CPLX1: variants seen among roughly 807,000 people sequenced by gnomAD.
The protein encoded by CPLX1 is complexin-1.
Under a neutral mutation model 15.6 loss-of-function variants are expected in CPLX1, and 6 were observed. The observed-to-expected ratio is 0.39, with a 90% confidence interval of 0.21 to 0.76. The LOEUF (loss-of-function observed/expected upper bound fraction) is 0.76. CPLX1 is among the 30% of genes least tolerant of loss of function. CPLX1 has a pLI of 0.43. For synonymous variants in CPLX1, 91 were observed against 75.2 expected, an observed-to-expected ratio of 1.21 and a Z score of -1.08; for missense variants, 242 against 188.6, an observed-to-expected ratio of 1.28 and a Z score of -1.66.
chr4:809,431 T>C (rs1215339680), intron 2 of CPLX1, among the ~76,000 whole-genome samples: 1 of 151,420 alleles, frequency 6.6e-6, no homozygotes, highest in African/African-American at 2.4e-5. Context: ...GCCTCTGCCC[T>C]GCCTCGTGCC....
intron 2 of CPLX1, among the ~76,000 whole-genome samples, chr4:818,356 C>T (rs942210099): frequency 4.6e-5 from 7 of 152,248 alleles, no homozygotes; most frequent in Admixed American, 1.3e-4. Context: ...GCCCCAGCCC[C>T]GCCACGGGCC....
At chr4:791,539 G>T (rs1746175794) in intron 3 of CPLX1, among the ~76,000 whole-genome samples, 1 of 152,174 alleles carries the variant, frequency 6.6e-6, no homozygotes, top group Non-Finnish European at 1.5e-5. Flanking sequence ...CCCTGGGTGC[G>T]GCTGACACAA....
intron 2 of CPLX1, among the ~76,000 whole-genome samples, chr4:792,935 G>A (rs1746228805): frequency 6.6e-6 from 1 of 152,172 alleles, no homozygotes; most frequent in Non-Finnish European, 1.5e-5. Context: ...TTATGCGTAC[G>A]TGTGGCTGTT....
intron 3 of CPLX1, among the ~76,000 whole-genome samples, chr4:792,192 G>A (rs1039965653): frequency 6.6e-6 from 1 of 152,234 alleles, no homozygotes; most frequent in Admixed American, 6.5e-5. Flanking sequence ...CGGAATGCGG[G>A]CCTAGGAAGC....
chr4:795,099 C>G (rs754447083), intron 2 of CPLX1, among the ~76,000 whole-genome samples: 8 of 152,368 alleles, frequency 5.3e-5, no homozygotes, highest in Non-Finnish European at 8.8e-5. Flanking sequence ...CGCCGCGAAC[C>G]TGGGGAGCGT....
At chr4:797,174 C>G (rs77947016) in intron 2 of CPLX1, among the ~76,000 whole-genome samples, 4,663 of 152,302 alleles carry the variant, frequency 0.031, 95 homozygotes, top group Non-Finnish European at 0.047. Context: ...CTCTCTGGCC[C>G]GTCACCAGCT....
rs745504763 is a variant in CPLX1, at chr4:786,472, G to T, written c.*29C>A. On this transcript the variant is annotated 3_prime_UTR_variant, in exon 4 of 4. Coordinates refer to ENST00000304062, the MANE Select transcript of CPLX1 (RefSeq NM_006651.4). ...AGGATCTGTAGGGGGAGGGGCGGGG[G>T]CTCCGCGGGGCCGCTGTCCCGCGCG... is the stretch of plus-strand genomic sequence containing the variant. 1 of 1,522,656 alleles carries T rather than the reference G, an allele frequency of 6.6e-7. No individual in the cohort carries two copies. Among genetic ancestry groups the T allele is most frequent in the South Asian group, 1.2e-5 (1 of 80,808 alleles). 94.3% of individuals were successfully genotyped at this position (1,522,656 alleles called of 1,614,324 possible).
chr4:795,893 G>A (rs1014000577), intron 2 of CPLX1, among the ~76,000 whole-genome samples: 1 of 152,156 alleles, frequency 6.6e-6, no homozygotes, highest in African/African-American at 2.4e-5. Flanking sequence ...AGCAGAAGGG[G>A]CAGAAGCAGA....
chr4:811,478 G>A (rs1043585944), intron 2 of CPLX1, among the ~76,000 whole-genome samples: 6 of 152,130 alleles, frequency 3.9e-5, no homozygotes, highest in South Asian at 2.1e-4. Flanking sequence ...TCCTTGGCTC[G>A]TGGGCTATTT....
intron 1 of CPLX1, among the ~76,000 whole-genome samples, chr4:825,372 C>A (rs535058827): frequency 6.6e-6 from 1 of 152,200 alleles, no homozygotes; most frequent in East Asian, 1.9e-4. Context: ...TCGCCCTCCG[C>A]AGAGGAAGGA....
intron 2 of CPLX1, among the ~76,000 whole-genome samples, chr4:809,038 G>A (rs1399650385): frequency 6.6e-6 from 1 of 152,274 alleles, no homozygotes; most frequent in African/African-American, 2.4e-5. Flanking sequence ...GGGCTCCAGC[G>A]AGAATGTCAG....
chr4:805,169 G>A (rs1186270163), intron 2 of CPLX1, among the ~76,000 whole-genome samples: 1 of 152,230 alleles, frequency 6.6e-6, no homozygotes, highest in Non-Finnish European at 1.5e-5. Flanking sequence ...CGCTGCAGCC[G>A]GAGAGCCACA....
chr4:790,955 CCTCT>C (rs778459063), intron 3 of CPLX1, among the ~76,000 whole-genome samples: 8 of 144,488 alleles, frequency 5.5e-5, no homozygotes, highest in South Asian at 2.3e-4. Flanking sequence ...TCTGTCTCTC[CCTCT>C]CTGTGTCTCT....
chr4:819,075 C>A (rs978042872), intron 2 of CPLX1, among the ~76,000 whole-genome samples: 13 of 152,254 alleles, frequency 8.5e-5, no homozygotes, highest in African/African-American at 3.1e-4. Context: ...GATGTCCCAG[C>A]ATTAAACGCT....
intron 2 of CPLX1, among the ~76,000 whole-genome samples, chr4:797,630 C>A (rs1746368282): frequency 6.6e-6 from 1 of 151,150 alleles, no homozygotes; most frequent in Non-Finnish European, 1.5e-5. Flanking sequence ...CTGGCCACAA[C>A]CTGACTTTAA....
chr4:821,878 G>A (rs543944750), intron 2 of CPLX1, among the ~76,000 whole-genome samples: 2 of 152,276 alleles, frequency 1.3e-5, no homozygotes, highest in Admixed American at 6.5e-5. Context: ...TCACACCTGC[G>A]GCCCAGCCTG....
At chr4:790,707 C>T (rs1441892662) in intron 3 of CPLX1, among the ~76,000 whole-genome samples, 3 of 152,116 alleles carry the variant, frequency 2.0e-5, no homozygotes, top group East Asian at 1.9e-4. Context: ...CCTGGATACA[C>T]GGACCCACAC....
Position 785,893 on chromosome 4 carries a change from G to T in CPLX1, c.*608C>A, listed in dbSNP as rs1180932318. ...CTATTGCTTTGTTTCCTTTAGTTTA[G>T]AAGTGAACACGGCCGTGGCGTTCGT... On this transcript the variant is annotated 3_prime_UTR_variant, in exon 4 of 4. Coordinates refer to ENST00000304062, the MANE Select transcript of CPLX1 (RefSeq NM_006651.4). The T allele has an allele frequency of 6.6e-6, 1 of 152,292 alleles. No homozygotes were observed. Among genetic ancestry groups the T allele is most frequent in the Non-Finnish European group, 1.5e-5 (1 of 68,110 alleles). The allele number at this position is 152,292 out of a possible 1,614,324, so 9.4% of individuals were successfully genotyped here. A position where few individuals can be genotyped will look rare whatever the true frequency, so the allele number is the denominator to read the frequency against.
chr4:818,418 G>A (rs781147132), intron 2 of CPLX1, among the ~76,000 whole-genome samples: 1 of 152,264 alleles, frequency 6.6e-6, no homozygotes, highest in Non-Finnish European at 1.5e-5. Context: ...CAGGTCCCCG[G>A]GCCCAGCGTC....
Sources: gnomAD v4.1 joint callset for allele counts (sites outside exome capture counted in the v4.1 genomes callset) on GRCh38, gnomAD v4.1.1 for gene constraint, MANE v1.5 for transcripts, NCBI Gene and HGNC (gene_info 2026-07-23, HGNC 2026-07-21) for gene names.